JAK1: variants seen among roughly 807,000 people sequenced by gnomAD.
JAK1 encodes the protein Janus kinase 1, also known as tyrosine-protein kinase JAK1.
A neutral mutation model predicts 136.6 loss-of-function variants in JAK1; 16 were observed. The ratio of observed to expected loss-of-function variants is 0.12; its 90% CI spans 0.08 to 0.18. JAK1 has a LOEUF of 0.18. JAK1 is among the 10% of genes least tolerant of loss of function. The probability of loss-of-function intolerance (pLI) is 1.00; values close to 1 mark genes in which losing one functional copy is unlikely to be tolerated. For synonymous variants in JAK1, 492 were observed against 519.5 expected (o/e 0.95, Z 0.72); for missense variants, 859 against 1,450.1 (o/e 0.59, Z 6.62).
intron 4 of JAK1, among the ~76,000 whole-genome samples, chr1:64,878,460 A>C (rs1239056997): frequency 6.6e-6 from 1 of 151,888 alleles, no homozygotes; most frequent in African/African-American, 2.4e-5. Context: ...AGGCCAACCT[A>C]GAATTTCTAG....
At chr1:65,038,342 G>A (rs901833770) in intron 2 of JAK1, among the ~76,000 whole-genome samples, 1 of 151,386 alleles carries the variant, frequency 6.6e-6, no homozygotes. Context: ...GGGATTACAG[G>A]CATGTGCCAC....
upstream of JAK1, among the ~76,000 whole-genome samples, chr1:64,970,701 T>C (rs1286209980): frequency 6.7e-6 from 1 of 149,912 alleles, no homozygotes; most frequent in Non-Finnish European, 1.5e-5. Context: ...GAGGCGGAGG[T>C]TGCAGTGAGC....
chr1:64,958,415 T>A (rs1238201062), intron 1 of JAK1, among the ~76,000 whole-genome samples: 1 of 152,244 alleles, frequency 6.6e-6, no homozygotes, highest in Non-Finnish European at 1.5e-5. Flanking sequence ...TTGCCTTAAG[T>A]TTTACAGAAT....
intron 1 of JAK1, among the ~76,000 whole-genome samples, chr1:64,911,085 G>GAA (rs11406658): frequency 0.024 from 3,562 of 147,550 alleles, 45 homozygotes; most frequent in Middle Eastern, 0.038. Flanking sequence ...ATTCAGGAGT[G>GAA]AAAAAAAAAA....
chr1:65,039,957 G>A (rs565772596), intron 2 of JAK1, among the ~76,000 whole-genome samples: 1 of 152,308 alleles, frequency 6.6e-6, no homozygotes, highest in African/African-American at 2.4e-5. Flanking sequence ...GCTTACACCT[G>A]TAATCCCAGC....
intron 17 of JAK1, among the ~76,000 whole-genome samples, chr1:64,841,995 C>A (rs1209014660): frequency 6.6e-6 from 1 of 152,138 alleles, no homozygotes; most frequent in African/African-American, 2.4e-5. Context: ...ATGTTTCCTG[C>A]AGAATTAGAC....
Position 64,883,510 on chromosome 1 carries a change from T to C in JAK1, c.7-35A>G, listed in dbSNP as rs774438252. On this transcript the variant is annotated intron_variant, in intron 2 of 24. Coordinates refer to ENST00000342505, the MANE Select transcript of JAK1 (RefSeq NM_002227.4). ...AAGGAAAACAAGACTATGTGGTCACTCTATGTGCTAAAAGTTCTTATGGCA... is the reference window on the plus strand; with the variant it reads ...AAGGAAAACAAGACTATGTGGTCACCCTATGTGCTAAAAGTTCTTATGGCA... The C allele has an allele frequency of 8.9e-6, 14 of 1,573,312 alleles. No homozygotes were observed. The South Asian group carries it at 1.3e-4, about 15-fold the overall frequency.
intron 11 of JAK1, among the ~76,000 whole-genome samples, chr1:64,854,856 C>G (rs1000272116): frequency 6.6e-6 from 1 of 152,178 alleles, no homozygotes; most frequent in Non-Finnish European, 1.5e-5. Flanking sequence ...CCCGCCCATG[C>G]CTCTGTTTGC....
At chr1:65,007,250 G>C (rs542226173) in intron 2 of JAK1, among the ~76,000 whole-genome samples, 2 of 152,260 alleles carry the variant, frequency 1.3e-5, no homozygotes, top group East Asian at 1.9e-4. Context: ...GAAGATCCGG[G>C]TGCCATACTG....
In JAK1 at chr1:64,866,826, C is replaced by T. The variant is rs761362643; in HGVS notation, c.990+40G>A. 17 of 1,450,214 alleles carry T rather than the reference C, an allele frequency of 1.2e-5. No homozygotes were observed. The Admixed American group carries it at 1.2e-4, about 10-fold the overall frequency. The allele number at this position is 1,450,214 out of a possible 1,614,324, so 89.8% of individuals were successfully genotyped here. On this transcript the variant is annotated intron_variant, in intron 7 of 24. Coordinates refer to ENST00000342505, the MANE Select transcript of JAK1 (RefSeq NM_002227.4). ...GATAAACAGCATACGCTATGTGACA[C>T]GGGAATGTTCTCTTTGATCGACTGC...
chr1:65,039,247 T>C (rs1402362647), intron 2 of JAK1, among the ~76,000 whole-genome samples: 1 of 152,188 alleles, frequency 6.6e-6, no homozygotes, highest in East Asian at 1.9e-4. Context: ...TGCCAGTTGC[T>C]CTCTTTGTTC....
In JAK1 at chr1:64,946,051, G is replaced by T. The variant is rs538634371; in HGVS notation, c.-78+20282C>A. Among the ~76,000 whole-genome samples, 18 of 152,132 alleles carry T rather than the reference G, an allele frequency of 1.2e-4. 1 individual carries two copies. The South Asian group carries it at 1.5e-3, about 12-fold the overall frequency. On this transcript the variant is annotated intron_variant, in intron 1 of 24. Coordinates refer to ENST00000342505, the MANE Select transcript of JAK1 (RefSeq NM_002227.4). ...GGCACCCGGCCCTGGTTTGCTTTCT[G>T]AACCATGTCAATACAGTACCTATGC...
At chr1:65,029,487 C>T (rs562387843) in intron 2 of JAK1, among the ~76,000 whole-genome samples, 47 of 152,294 alleles carry the variant, frequency 3.1e-4, no homozygotes, top group African/African-American at 1.0e-3. Context: ...GAATACAAAT[C>T]GTTCTATCAT....
At chr1:64,965,496 C>A (rs1357391309) in intron 1 of JAK1, among the ~76,000 whole-genome samples, 4 of 152,112 alleles carry the variant, frequency 2.6e-5, no homozygotes, top group African/African-American at 9.7e-5. Context: ...TCCAAGGAGC[C>A]CACATCCCAG....
At chr1:64,948,511 T>G (rs949325632) in intron 1 of JAK1, among the ~76,000 whole-genome samples, 6 of 152,254 alleles carry the variant, frequency 3.9e-5, no homozygotes, top group Non-Finnish European at 8.8e-5. Context: ...AAAGATAAAC[T>G]AGCCTTGTTG....
At position 64,947,692 on chromosome 1, in the gene JAK1, G is replaced by A. The variant is rs375777359; in HGVS notation, c.-78+18641C>T. 6.6e-5 allele frequency among the ~76,000 whole-genome samples: 10 copies of A among 151,646 alleles called. No homozygotes were observed. In the East Asian group the frequency reaches 1.9e-3, roughly 29 times the overall value. On this transcript the variant is annotated intron_variant, in intron 1 of 24. Coordinates refer to ENST00000342505, the MANE Select transcript of JAK1 (RefSeq NM_002227.4). ...AGAAAAGCAGTTTCACTGAACAACA[G>A]GTCCCTGAACAAGAATTTTTTCACC...
At chr1:65,002,996 G>A (rs1402048599) in intron 2 of JAK1, among the ~76,000 whole-genome samples, 3 of 151,610 alleles carry the variant, frequency 2.0e-5, no homozygotes, top group Non-Finnish European at 4.4e-5. Context: ...CGCCTCGCAC[G>A]GCGTGAGACA....
At chr1:64,891,330 C>T (rs1348300721) in intron 1 of JAK1, among the ~76,000 whole-genome samples, 2 of 152,176 alleles carry the variant, frequency 1.3e-5, no homozygotes, top group African/African-American at 4.8e-5. Flanking sequence ...TCTAAACTGT[C>T]CCCATCAGCA....
intron 9 of JAK1, 97 bp downstream of exon 9, chr1:64,860,008 G>A (rs1656186301): frequency 2.8e-6 from 3 of 1,064,052 alleles, no homozygotes; most frequent in East Asian, 5.5e-5. Flanking sequence ...CAGGCAGCAT[G>A]GTCAACTGGC....
Sources: allele counts gnomAD v4.1 joint callset (sites outside exome capture counted in the v4.1 genomes callset), GRCh38; gene constraint gnomAD v4.1.1; transcripts MANE v1.5; gene names NCBI Gene and HGNC (gene_info 2026-07-23, HGNC 2026-07-21).